Variants in PNPLA3 observed in about 807,000 individuals in gnomAD.
The protein encoded by PNPLA3 is 1-acylglycerol-3-phosphate O-acyltransferase PNPLA3.
PNPLA3 carries 42 observed loss-of-function variants against 43.1 expected under a neutral mutation model. The ratio of observed to expected loss-of-function variants is 0.97; its 90% CI spans 0.76 to 1.26. The LOEUF (loss-of-function observed/expected upper bound fraction) is 1.26, where lower values mean the gene tolerates loss of function less well. Among genes scored for constraint, PNPLA3 ranks in the 50% most tolerant of loss-of-function variants. The pLI is 0.00. For synonymous variants in PNPLA3, 272 were observed against 253.6 expected (o/e 1.07, Z -0.69); for missense variants, 647 against 621.4 (o/e 1.04, Z -0.44).
rs759561010 is a variant in PNPLA3 at position 43,923,869 on chromosome 22, C to G, written c.-43C>G. 4.1e-6 allele frequency: 6 copies of G among 1,445,990 alleles called. No individual in the cohort carries two copies. In the African/African-American group the frequency reaches 5.9e-5, roughly 14 times the overall value. 89.6% of individuals were successfully genotyped at this position (1,445,990 alleles called of 1,614,324 possible). On this transcript the variant is annotated 5_prime_UTR_variant, in exon 1 of 9. Coordinates refer to ENST00000216180, the MANE Select transcript of PNPLA3 (RefSeq NM_025225.3). ...CAGGACCCGAGCCGATTCCCGATCCCGACCCAGATCCTAACCCGCGCCCCC... is the reference window on the plus strand; with the variant it reads ...CAGGACCCGAGCCGATTCCCGATCCGGACCCAGATCCTAACCCGCGCCCCC...
At chr22:43,931,310 G>A (rs766546224) in intron 3 of PNPLA3, among the ~76,000 whole-genome samples, 4 of 152,046 alleles carry the variant, frequency 2.6e-5, no homozygotes, top group Non-Finnish European at 5.9e-5. Flanking sequence ...TGTACATACC[G>A]CATGCTAATC....
At chr22:43,941,326 T>C (rs989972005) in intron 7 of PNPLA3, among the ~76,000 whole-genome samples, 4 of 131,512 alleles carry the variant, frequency 3.0e-5, no homozygotes, top group African/African-American at 1.1e-4. Flanking sequence ...TGATTGGGCT[T>C]CCTCTGAAAG....
chr22:43,943,232 G>T (rs2050042597), intron 7 of PNPLA3, among the ~76,000 whole-genome samples: 1 of 151,002 alleles, frequency 6.6e-6, no homozygotes, highest in Non-Finnish European at 1.5e-5. Flanking sequence ...TTTCTTCTTG[G>T]GCTAGTTTTT....
intron 1 of PNPLA3, among the ~76,000 whole-genome samples, chr22:43,926,425 A>G (rs2049922605): frequency 6.6e-6 from 1 of 152,168 alleles, no homozygotes; most frequent in Non-Finnish European, 1.5e-5. Context: ...ATCTACACCA[A>G]AGCTCTAATG....
intron 5 of PNPLA3, among the ~76,000 whole-genome samples, 192 bp from the exon 6 acceptor site, chr22:43,936,859 C>T (rs1362826610): frequency 6.6e-6 from 1 of 152,218 alleles, no homozygotes; most frequent in Non-Finnish European, 1.5e-5. Flanking sequence ...TCACGTGTGT[C>T]CTGCTTTAAA....
chr22:43,934,569 C>T, intron 4 of PNPLA3, 37 bp from the exon 5 acceptor site: 2 of 1,575,506 alleles, frequency 1.3e-6, no homozygotes, highest in Non-Finnish European at 1.7e-6. Flanking sequence ...TGCTTGGTGT[C>T]TCCCTGCTGT....
Position 43,923,868 on chromosome 22 carries a change from C to T in PNPLA3, c.-44C>T. On this transcript the variant is annotated 5_prime_UTR_variant, in exon 1 of 9. Transcript: ENST00000216180. ...TCAGGACCCGAGCCGATTCCCGATCCCGACCCAGATCCTAACCCGCGCCCC... is the reference window on the plus strand; with the variant it reads ...TCAGGACCCGAGCCGATTCCCGATCTCGACCCAGATCCTAACCCGCGCCCC... 1 of 1,445,044 alleles carries T rather than the reference C, an allele frequency of 6.9e-7. No individual in the cohort carries two copies. The highest frequency in any genetic ancestry group is 9.1e-7 in the Non-Finnish European group (1 of 1,102,730). The allele number at this position is 1,445,044 out of a possible 1,614,324, so 89.5% of individuals were successfully genotyped here.
intron 6 of PNPLA3, among the ~76,000 whole-genome samples, chr22:43,938,314 C>A (rs1411747061): frequency 6.6e-6 from 1 of 152,144 alleles, no homozygotes. Flanking sequence ...AGAGATGGGA[C>A]ACAGCAGCTG....
intron 8 of PNPLA3, among the ~76,000 whole-genome samples, chr22:43,945,617 G>C (rs997882627): frequency 2.0e-5 from 3 of 152,298 alleles, no homozygotes; most frequent in East Asian, 1.9e-4. Context: ...GGAATGCAAA[G>C]ATCCGATTTG....
chr22:43,927,062 T>C lies in PNPLA3; in HGVS notation c.315T>C (p.Asn105=), dbSNP rs1020459125. The part of the protein sequence containing the change: ...RQGLCKCLPA[N]VHQLISGKIG... ...GTCTCTGCAAATGCCTCCCGGCCAATGTCCACCAGCTCATCTCCGGCAAAA... is the reference window on the plus strand; with the variant it reads ...GTCTCTGCAAATGCCTCCCGGCCAACGTCCACCAGCTCATCTCCGGCAAAA... The change falls in exon 2 of 9, where the codon AAT becomes AAC. Residue 105 remains asparagine, a synonymous_variant. Transcript: ENST00000216180. The C allele has an allele frequency of 1.2e-6, 2 of 1,614,152 alleles. No individual in the cohort carries two copies. The highest frequency in any genetic ancestry group is 1.3e-5 in the African/African-American group (1 of 74,956).
At position 43,946,910 on chromosome 22, in the gene PNPLA3, G is replaced by C. The variant is rs1300479811; in HGVS notation, c.*528G>C. 9.2e-6 allele frequency: 3 copies of C among 325,160 alleles called. No homozygotes were observed. Among genetic ancestry groups the C allele is most frequent in the African/African-American group, 4.4e-5 (2 of 45,854 alleles). The allele number at this position is 325,160 out of a possible 1,614,324, so 20.1% of individuals were successfully genotyped here. A position where few individuals can be genotyped will look rare whatever the true frequency, so the allele number is the denominator to read the frequency against. Reference sequence around the variant, plus strand: ...TACTAAAAACGTCTCCATGGCGGGGGTAACAAGATGATAATCTACTTAATT... The same window carrying C: ...TACTAAAAACGTCTCCATGGCGGGGCTAACAAGATGATAATCTACTTAATT... On this transcript the variant is annotated 3_prime_UTR_variant, in exon 9 of 9. Transcript: ENST00000216180.
Position 43,937,201 on chromosome 22 carries a change from A to G in PNPLA3, c.908A>G (p.Asp303Gly). 2 of 1,614,068 alleles carry G rather than the reference A, an allele frequency of 1.2e-6. No homozygotes were observed. The highest frequency in any genetic ancestry group is 8.5e-7 in the Non-Finnish European group (1 of 1,180,012). Residue 303 changes from aspartate to glycine, a missense_variant, in exon 6 of 9, where the codon GAC becomes GGC. Physicochemically the swap from Asp to Gly is moderately conservative, Grantham distance 94. Transcript: ENST00000216180. ...AGGCTGGAGGGAGATGAGCTGCTAG[A>G]CCACCTGCGTCTCAGCATCCTGCCC... Reference protein sequence around the residue: ...AVRLEGDELLDHLRLSILPWD... With the variant: ...AVRLEGDELLGHLRLSILPWD...
intron 5 of PNPLA3, among the ~76,000 whole-genome samples, chr22:43,936,619 C>T (rs1299233423): frequency 1.3e-5 from 2 of 152,188 alleles, no homozygotes; most frequent in South Asian, 4.1e-4. Context: ...GTATTGGCTG[C>T]GTGGCTTTAG....
chr22:43,945,925 G>A lies in PNPLA3; in HGVS notation c.1218-229G>A, dbSNP rs1169551324. ...TTCGTTGGTGGACAACACCTGTGAT[G>A]TCCAGTGGGAGGTGTCCAGGTAGCT... On this transcript the variant is annotated intron_variant, in intron 8 of 8. Coordinates refer to ENST00000216180, the MANE Select transcript of PNPLA3 (RefSeq NM_025225.3). Among the ~76,000 whole-genome samples, 5 of 152,190 alleles carry A rather than the reference G, an allele frequency of 3.3e-5. No individual in the cohort carries two copies. In the East Asian group the frequency reaches 9.6e-4, roughly 29 times the overall value.
intron 2 of PNPLA3, among the ~76,000 whole-genome samples, chr22:43,927,978 C>T (rs1303252618): frequency 6.6e-6 from 1 of 152,240 alleles, no homozygotes; most frequent in Non-Finnish European, 1.5e-5. Flanking sequence ...CTCTATGCAT[C>T]TTCCATAATG....
At position 43,933,036 on chromosome 22, in the gene PNPLA3, C is replaced by G; in HGVS notation, c.645C>G (p.Cys215Trp). The change falls in exon 4 of 9, where the codon TGC (cysteine) becomes TGG (tryptophan). Residue 215 changes from cysteine to tryptophan, a missense_variant. Cys to Trp is a radical substitution (Grantham distance 215). Transcript: ENST00000216180. ...VDITKLSLRLCTGNLYLLSRA... is the reference protein window; with the variant it reads ...VDITKLSLRLWTGNLYLLSRA... The stretch of plus-strand genomic sequence containing the variant: ...TCACCAAGCTCAGTCTACGCCTCTG[C>G]ACAGGGAACCTCTACCTTCTCTCGA... 3 of 1,614,176 alleles carry G rather than the reference C, an allele frequency of 1.9e-6. No individual in the cohort carries two copies. The highest frequency in any genetic ancestry group is 1.1e-5 in the South Asian group (1 of 91,078).
chr22:43,945,024 C>T (rs2294915), intron 8 of PNPLA3, among the ~76,000 whole-genome samples: 38,117 of 152,120 alleles, frequency 0.25, 5,321 homozygotes, highest in Admixed American at 0.43. Context: ...GACTTCCCGT[C>T]GGATGAGTCT....
Position 43,937,374 on chromosome 22 carries a change from C to T in PNPLA3, c.979+102C>T, listed in dbSNP as rs1569014155. 6 of 1,072,884 alleles carry T rather than the reference C, an allele frequency of 5.6e-6. No homozygotes were observed. In the Admixed American group the frequency reaches 6.1e-5, roughly 11 times the overall value. 66.5% of individuals were successfully genotyped at this position (1,072,884 alleles called of 1,614,324 possible). On this transcript the variant is annotated intron_variant, in intron 6 of 8. Coordinates refer to ENST00000216180, the MANE Select transcript of PNPLA3 (RefSeq NM_025225.3). Reference sequence around the variant, plus strand: ...ACATGGGAGCGATAGGGTGAGGCAACCATGACAGGTGGTTGGGAACATCTC... The same window carrying T: ...ACATGGGAGCGATAGGGTGAGGCAATCATGACAGGTGGTTGGGAACATCTC...
Position 43,946,255 on chromosome 22 carries a change from C to T in PNPLA3, c.1319C>T (p.Thr440Ile). The stretch of plus-strand genomic sequence containing the variant: ...TCCCCCAAGGGCTGTCCAGCAGAGA[C>T]CAAAGCAGAGGCCACCCCGCGGTCC... ...PCSPKGCPAE[T>I]KAEATPRSIL... The change falls in exon 9 of 9, where the codon ACC (threonine) becomes ATC (isoleucine). Residue 440 changes from threonine to isoleucine, a missense_variant. Transcript: ENST00000216180. The T allele has an allele frequency of 1.2e-6, 2 of 1,614,164 alleles. No individual in the cohort carries two copies. Among genetic ancestry groups the T allele is most frequent in the Non-Finnish European group, 1.7e-6 (2 of 1,180,018 alleles).
Sources: allele counts gnomAD v4.1 joint callset (sites outside exome capture counted in the v4.1 genomes callset), GRCh38; gene constraint gnomAD v4.1.1; transcripts MANE v1.5; gene names NCBI Gene and HGNC (gene_info 2026-07-23, HGNC 2026-07-21).